SUPT3H: variants seen among roughly 807,000 people sequenced by gnomAD.
SUPT3H encodes the protein transcription initiation protein SPT3 homolog.
SUPT3H carries 44 observed loss-of-function variants against 44.3 expected under a neutral mutation model. The observed-to-expected ratio is 0.99, with a 90% CI of 0.78 to 1.28. The LOEUF is 1.28. Among genes scored for constraint, SUPT3H ranks in the 50% most tolerant of loss-of-function variants. SUPT3H has a pLI of 0.00. For missense variants in SUPT3H, 380 were observed against 387.1 expected (o/e 0.98, Z 0.15); for synonymous variants, 124 against 125.6 (o/e 0.99, Z 0.09).
intron 2 of SUPT3H, among the ~76,000 whole-genome samples, chr6:45,187,914 T>C (rs1210485514): frequency 6.6e-6 from 1 of 152,206 alleles, no homozygotes; most frequent in African/African-American, 2.4e-5. Flanking sequence ...CTGTCAACTG[T>C]GGTCAGAAAA....
At chr6:45,098,213 A>C (rs1482138594) in intron 3 of SUPT3H, 2 of 159,298 alleles carry the variant, frequency 1.3e-5, no homozygotes, top group African/African-American at 4.8e-5. Flanking sequence ...ATGCATTTCA[A>C]GAAGACAGAA....
At chr6:45,239,549 T>C (rs947715035) in intron 2 of SUPT3H, among the ~76,000 whole-genome samples, 2 of 152,234 alleles carry the variant, frequency 1.3e-5, no homozygotes, top group African/African-American at 4.8e-5. Flanking sequence ...CAAATGGACA[T>C]CACACATGTT....
At chr6:44,935,144 C>A (rs749911636) in intron 9 of SUPT3H, among the ~76,000 whole-genome samples, 7 of 152,090 alleles carry the variant, frequency 4.6e-5, no homozygotes, top group Middle Eastern at 3.4e-3. Context: ...CGGAAGGAAG[C>A]CTTTAAACGT....
At chr6:44,919,528 C>A (rs1768326343) in intron 10 of SUPT3H, among the ~76,000 whole-genome samples, 1 of 151,418 alleles carries the variant, frequency 6.6e-6, no homozygotes, top group African/African-American at 2.4e-5. Flanking sequence ...CCAGGATATC[C>A]CCCTGAAATT....
At chr6:45,168,346 A>G (rs1810248457) in intron 2 of SUPT3H, among the ~76,000 whole-genome samples, 2 of 152,120 alleles carry the variant, frequency 1.3e-5, no homozygotes. Flanking sequence ...GAATATTTGC[A>G]TTACACTGGT....
intron 2 of SUPT3H, among the ~76,000 whole-genome samples, chr6:45,178,322 C>T (rs1812409007): frequency 1.3e-5 from 2 of 151,630 alleles, no homozygotes; most frequent in African/African-American, 4.8e-5. Flanking sequence ...GAGACAAGGC[C>T]ATTACATAAT....
At chr6:44,891,160 A>G (rs1037464947) in intron 10 of SUPT3H, among the ~76,000 whole-genome samples, 1 of 152,184 alleles carries the variant, frequency 6.6e-6, no homozygotes, top group Non-Finnish European at 1.5e-5. Context: ...TAAGAAGTCA[A>G]AAAAAGAAAT....
At chr6:45,064,842 C>G (rs1408959458) in intron 3 of SUPT3H, among the ~76,000 whole-genome samples, 4 of 147,420 alleles carry the variant, frequency 2.7e-5, no homozygotes, top group Non-Finnish European at 1.5e-5. Context: ...GAGACTTAGA[C>G]TCCCACACAT....
At chr6:44,917,566 T>A (rs981152326) in intron 10 of SUPT3H, among the ~76,000 whole-genome samples, 17 of 152,088 alleles carry the variant, frequency 1.1e-4, no homozygotes, top group Non-Finnish European at 4.4e-5. Context: ...AACATGCAAA[T>A]ATGACTGACA....
At chr6:45,297,648 A>G (rs901584891) in intron 2 of SUPT3H, among the ~76,000 whole-genome samples, 1 of 152,162 alleles carries the variant, frequency 6.6e-6, no homozygotes, top group African/African-American at 2.4e-5. Flanking sequence ...TTAAAACTTA[A>G]CATATTAACA....
chr6:45,191,888 T>G (rs981364253), intron 2 of SUPT3H, among the ~76,000 whole-genome samples: 1 of 152,106 alleles, frequency 6.6e-6, no homozygotes, highest in Non-Finnish European at 1.5e-5. Context: ...ATAATTCAGG[T>G]CATGAGACTA....
chr6:45,185,603 C>A (rs1439249100), intron 2 of SUPT3H, among the ~76,000 whole-genome samples: 3 of 152,206 alleles, frequency 2.0e-5, no homozygotes, highest in African/African-American at 7.2e-5. Context: ...TCACCAGCCC[C>A]TGTAAGACAC....
intron 2 of SUPT3H, among the ~76,000 whole-genome samples, chr6:45,285,612 G>T (rs143086013): frequency 0.23 from 34,491 of 151,862 alleles, 4,591 homozygotes; most frequent in Non-Finnish European, 0.31. Flanking sequence ...ACAAATGGAA[G>T]AACATTCCAT....
chr6:45,078,034 G>C (rs558740952), intron 3 of SUPT3H, among the ~76,000 whole-genome samples: 1 of 152,196 alleles, frequency 6.6e-6, no homozygotes, highest in South Asian at 2.1e-4. Context: ...CAGTACACCT[G>C]GCTAATTTCA....
At chr6:45,112,444 G>T (rs534275499) in intron 2 of SUPT3H, among the ~76,000 whole-genome samples, 3 of 151,812 alleles carry the variant, frequency 2.0e-5, no homozygotes, top group African/African-American at 7.3e-5. Flanking sequence ...ATATTATCAC[G>T]GAATTTTACA....
intron 2 of SUPT3H, among the ~76,000 whole-genome samples, chr6:45,188,838 T>C (rs1814681890): frequency 6.6e-6 from 1 of 152,230 alleles, no homozygotes; most frequent in Admixed American, 6.5e-5. Context: ...CTCATTTTTA[T>C]AGGTAGTTTG....
intron 9 of SUPT3H, among the ~76,000 whole-genome samples, chr6:44,950,620 A>C (rs1172473132): frequency 1.3e-5 from 2 of 152,058 alleles, no homozygotes; most frequent in African/African-American, 4.8e-5. Flanking sequence ...AAATCTAGAA[A>C]GTTAACTTGA....
rs1162892591 is a variant in SUPT3H, at chr6:44,826,845, C to A, written c.*2971G>T. Among the ~76,000 whole-genome samples, 1 of 152,146 alleles carries A rather than the reference C, an allele frequency of 6.6e-6. No individual in the cohort carries two copies. Among genetic ancestry groups the A allele is most frequent in the Non-Finnish European group, 1.5e-5 (1 of 68,026 alleles). ...AGAACAGCAATAAATGAAGGGTTCT[C>A]CCCAGATACAGGAATTATATACACC... On this transcript the variant is annotated 3_prime_UTR_variant, in exon 11 of 11. Transcript: ENST00000371459.
At chr6:45,154,341 A>G (rs1807461510) in intron 2 of SUPT3H, among the ~76,000 whole-genome samples, 1 of 149,376 alleles carries the variant, frequency 6.7e-6, no homozygotes, top group South Asian at 2.2e-4. Flanking sequence ...ATTAAAAAAA[A>G]GAAGAAGAAG....
Sources: gnomAD v4.1 joint callset for allele counts (sites outside exome capture counted in the v4.1 genomes callset) on GRCh38, gnomAD v4.1.1 for gene constraint, MANE v1.5 for transcripts, NCBI Gene and HGNC (gene_info 2026-07-23, HGNC 2026-07-21) for gene names.